The following PRKAA2 variants were observed in gnomAD, a reference collection of about 807,000 sequenced individuals.
PRKAA2 encodes the protein 5'-AMP-activated protein kinase catalytic subunit alpha-2.
Under a neutral mutation model 56.3 loss-of-function variants are expected in PRKAA2, and 40 were observed. The observed-to-expected ratio is 0.71, with a 90% CI of 0.55 to 0.92. PRKAA2 has a LOEUF of 0.92. PRKAA2 is among the 40% of genes least tolerant of loss of function. The pLI is 0.00. For synonymous variants in PRKAA2, 214 were observed against 234.2 expected, an observed-to-expected ratio of 0.91 and a Z score of 0.79; for missense variants, 542 against 686.9, an observed-to-expected ratio of 0.79 and a Z score of 2.36.
intron 2 of PRKAA2, among the ~76,000 whole-genome samples, chr1:56,688,954 A>G (rs1172288002): frequency 6.6e-6 from 1 of 152,174 alleles, no homozygotes; most frequent in African/African-American, 2.4e-5. Flanking sequence ...GTGCTTAGTA[A>G]CGTTATGATT....
At chr1:56,653,933 C>A (rs1175376064) in intron 1 of PRKAA2, among the ~76,000 whole-genome samples, 1 of 151,910 alleles carries the variant, frequency 6.6e-6, no homozygotes, top group Non-Finnish European at 1.5e-5. Flanking sequence ...CCCATGGTAT[C>A]CATCATAGAA....
At chr1:56,707,230 T>A (rs1223130437) in intron 8 of PRKAA2, among the ~76,000 whole-genome samples, 1 of 152,164 alleles carries the variant, frequency 6.6e-6, no homozygotes, top group Admixed American at 6.5e-5. Context: ...TGCCGATTAC[T>A]CCAATTTGAG....
intron 1 of PRKAA2, among the ~76,000 whole-genome samples, chr1:56,654,947 G>T (rs1250171036): frequency 6.6e-6 from 1 of 151,530 alleles, no homozygotes; most frequent in African/African-American, 2.4e-5. Flanking sequence ...ATAAAATCTT[G>T]CTATATGTCT....
intron 2 of PRKAA2, among the ~76,000 whole-genome samples, chr1:56,679,619 C>T (rs1186339342): frequency 1.3e-5 from 2 of 152,164 alleles, no homozygotes; most frequent in Admixed American, 1.3e-4. Context: ...TTTCTTTGCT[C>T]TGTCAGGTTA....
intron 1 of PRKAA2, among the ~76,000 whole-genome samples, chr1:56,649,138 G>C (rs970262613): frequency 6.6e-6 from 1 of 152,140 alleles, no homozygotes; most frequent in Non-Finnish European, 1.5e-5. Flanking sequence ...CCTAGCCCAA[G>C]TCTCAAAGAT....
At chr1:56,703,441 A>G (rs778572356) in intron 6 of PRKAA2, among the ~76,000 whole-genome samples, 2 of 152,158 alleles carry the variant, frequency 1.3e-5, no homozygotes, top group East Asian at 1.9e-4. Context: ...TCTTCATTCA[A>G]TCTGTTGCAC....
intron 2 of PRKAA2, among the ~76,000 whole-genome samples, chr1:56,680,490 T>G (rs1392575472): frequency 6.6e-6 from 1 of 152,198 alleles, no homozygotes; most frequent in Admixed American, 6.5e-5. Flanking sequence ...GTATATCTCC[T>G]AATGCTATCC....
At chr1:56,670,855 A>G (rs1644070283) in intron 1 of PRKAA2, among the ~76,000 whole-genome samples, 1 of 152,282 alleles carries the variant, frequency 6.6e-6, no homozygotes, top group African/African-American at 2.4e-5. Flanking sequence ...CTCTTTATGA[A>G]TATGGTATAT....
chr1:56,684,755 G>A (rs1008054458), intron 2 of PRKAA2, among the ~76,000 whole-genome samples: 5 of 152,134 alleles, frequency 3.3e-5, no homozygotes, highest in Admixed American at 2.0e-4. Flanking sequence ...AAAACCTGAT[G>A]TAAAGGGTTT....
intron 2 of PRKAA2, among the ~76,000 whole-genome samples, chr1:56,689,563 A>G (rs1644213303): frequency 6.6e-6 from 1 of 151,986 alleles, no homozygotes; most frequent in Admixed American, 6.6e-5. Context: ...TACTAAAAAT[A>G]CAAAAATTAG....
At chr1:56,646,167 T>C (rs919553831) in intron 1 of PRKAA2, among the ~76,000 whole-genome samples, 1 of 152,004 alleles carries the variant, frequency 6.6e-6, no homozygotes, top group Non-Finnish European at 1.5e-5. Flanking sequence ...GGTGACTGTT[T>C]GGGGGATGCT....
At position 56,708,017 on chromosome 1, in the gene PRKAA2, G is replaced by A. The variant is rs1466556215; in HGVS notation, c.*304G>A. 4 of 333,298 alleles carry A rather than the reference G, an allele frequency of 1.2e-5. No individual in the cohort carries two copies. Among genetic ancestry groups the A allele is most frequent in the Non-Finnish European group, 2.2e-5 (4 of 180,182 alleles). The allele number at this position is 333,298 out of a possible 1,614,324, so 20.6% of individuals were successfully genotyped here. On this transcript the variant is annotated 3_prime_UTR_variant, in exon 9 of 9. Transcript: ENST00000371244. ...CTACAGACGATTAACACACCACACT[G>A]GCGAACCATCTCAATGTAAGGGTGG... is the stretch of plus-strand genomic sequence containing the variant.
intron 2 of PRKAA2, 95 bp downstream of exon 2, chr1:56,674,617 A>C: frequency 8.7e-7 from 1 of 1,147,210 alleles, no homozygotes; most frequent in Non-Finnish European, 1.2e-6. Flanking sequence ...AACCTTTTAC[A>C]AAGATTTTTT....
At chr1:56,691,281 A>G (rs546685219) in intron 2 of PRKAA2, 113 bp from the exon 3 acceptor site, 14 of 586,116 alleles carry the variant, frequency 2.4e-5, no homozygotes, top group African/African-American at 2.1e-4. Context: ...ATTTGTTGCC[A>G]TCTTAAAGTA....
intron 1 of PRKAA2, among the ~76,000 whole-genome samples, chr1:56,646,778 C>T (rs552634305): frequency 2.2e-4 from 33 of 152,122 alleles, no homozygotes; most frequent in Non-Finnish European, 3.1e-4. Context: ...ACTCATTTTT[C>T]ATTCCTTTGG....
rs752278628 is a variant in PRKAA2, at chr1:56,704,145, A to G, written c.963A>G (p.Ala321=). 4 of 1,614,048 alleles carry G rather than the reference A, an allele frequency of 2.5e-6. No homozygotes were observed. Among genetic ancestry groups the G allele is most frequent in the African/African-American group, 2.7e-5 (2 of 74,922 alleles). The stretch of plus-strand genomic sequence containing the variant: ...GTGGTGACCCTCAAGACCAGCTTGC[A>G]GTGGCTTATCATCTTATCATTGACA... ...LYSGDPQDQL[A]VAYHLIIDNR... The change falls in exon 7 of 9, where the codon GCA becomes GCG. Residue 321 remains alanine, a synonymous_variant. Transcript: ENST00000371244.
intron 2 of PRKAA2, among the ~76,000 whole-genome samples, 187 bp from the exon 3 acceptor site, chr1:56,691,207 A>G (rs1644226725): frequency 6.6e-6 from 1 of 152,260 alleles, no homozygotes; most frequent in African/African-American, 2.4e-5. Context: ...CGTGAGCCTC[A>G]AGAAATAGAA....
intron 2 of PRKAA2, among the ~76,000 whole-genome samples, chr1:56,675,484 A>G (rs1644106720): frequency 6.6e-6 from 1 of 152,190 alleles, no homozygotes; most frequent in Admixed American, 6.5e-5. Context: ...ATAGCAGCTT[A>G]TCCAAGGCCA....
At chr1:56,683,765 A>T (rs1450646166) in intron 2 of PRKAA2, among the ~76,000 whole-genome samples, 1 of 152,146 alleles carries the variant, frequency 6.6e-6, no homozygotes, top group Non-Finnish European at 1.5e-5. Context: ...GAAAGTAGAA[A>T]TTCCTGCAGG....
Sources: allele counts gnomAD v4.1 joint callset (sites outside exome capture counted in the v4.1 genomes callset), GRCh38; gene constraint gnomAD v4.1.1; transcripts MANE v1.5; gene names NCBI Gene and HGNC (gene_info 2026-07-23, HGNC 2026-07-21).